The following POLR2E variants were observed in gnomAD, a reference collection of about 807,000 sequenced individuals.
POLR2E encodes the protein DNA-directed RNA polymerases I, II, and III subunit RPABC1.
POLR2E carries 35 observed loss-of-function variants against 29.8 expected under a neutral mutation model. The observed-to-expected ratio is 1.17, with a 90% CI of 0.90 to 1.55. The LOEUF is 1.55. Ranked by LOEUF, POLR2E falls within the 40% of genes most tolerant of loss-of-function variation. POLR2E has a pLI of 0.00. For synonymous variants in POLR2E, 174 were observed against 112.6 expected (o/e 1.55, Z -3.45); for missense variants, 287 against 288.6 (o/e 0.99, Z 0.04).
Position 1,089,738 on chromosome 19 carries a change from A to G in POLR2E, c.567+146T>C. ...CTCTGGGCCCAGTGGCCCTGGCTTT[A>G]AGAGGGGGATATTGGGGGTGTGGTC... On this transcript the variant is annotated intron_variant, in intron 6 of 7. Transcript: ENST00000615234. 7 of 798,770 alleles carry G rather than the reference A, an allele frequency of 8.8e-6. No homozygotes were observed. The South Asian group carries it at 9.8e-5, about 11-fold the overall frequency. 49.5% of individuals were successfully genotyped at this position (798,770 alleles called of 1,614,324 possible).
chr19:1,095,108 T>G, intron 1 of POLR2E, 151 bp downstream of exon 1: 1 of 728,846 alleles, frequency 1.4e-6, no homozygotes, highest in Non-Finnish European at 2.2e-6. Context: ...CAGCGCCTGG[T>G]ATCCCCGGCG....
intron 1 of POLR2E, chr19:1,094,371 C>CA (rs2043899224): frequency 2.5e-6 from 1 of 406,026 alleles, no homozygotes. Flanking sequence ...AACCACTTTG[C>CA]AGAGCTACCC....
At chr19:1,091,725 T>G (rs1599794017) in intron 3 of POLR2E, 67 bp downstream of exon 3, 2 of 982,610 alleles carry the variant, frequency 2.0e-6, no homozygotes, top group Non-Finnish European at 3.0e-6. Flanking sequence ...GGGCCGCCTG[T>G]GGGTACTGCT....
intron 3 of POLR2E, chr19:1,091,579 G>A (rs1459289067): frequency 1.7e-6 from 1 of 574,748 alleles, no homozygotes; most frequent in African/African-American, 1.9e-5. Context: ...CCCCTCCTGA[G>A]AGCTGGGGGA....
At position 1,088,541 on chromosome 19, in the gene POLR2E, G is replaced by A. The variant is rs1361200204; in HGVS notation, c.*194C>T. 1.4e-5 allele frequency: 2 copies of A among 148,020 alleles called. No individual in the cohort carries two copies. The highest frequency in any genetic ancestry group is 6.6e-5 in the Admixed American group (1 of 15,172). The allele number at this position is 148,020 out of a possible 1,614,324, so 9.2% of individuals were successfully genotyped here. A position where few individuals can be genotyped will look rare whatever the true frequency, so the allele number is the denominator to read the frequency against. On this transcript the variant is annotated 3_prime_UTR_variant, in exon 8 of 8. Coordinates refer to ENST00000615234, the MANE Select transcript of POLR2E (RefSeq NM_002695.5). ...CTGCATCTCGCACAAATCCACAGGT[G>A]AATGGGGCGGGCTGGGCCACAGGAA...
chr19:1,091,564 T>C (rs2043830783), intron 3 of POLR2E: 1 of 561,402 alleles, frequency 1.8e-6, no homozygotes, highest in Non-Finnish European at 3.2e-6. Flanking sequence ...CCCTCCGCCC[T>C]GACGCCCCTC....
At chr19:1,095,041 C>CCCTAAGA (rs2043911466) in intron 1 of POLR2E, 2 of 531,404 alleles carry the variant, frequency 3.8e-6, no homozygotes, top group South Asian at 4.7e-5. Context: ...CCCCTAAGCA[C>CCCTAAGA]CGCACCCAGA....
At chr19:1,091,497 T>C (rs1287135666) in intron 3 of POLR2E, 3 of 457,200 alleles carry the variant, frequency 6.6e-6, no homozygotes, top group Non-Finnish European at 1.2e-5. Flanking sequence ...CTCCGGCTCC[T>C]GGAATCTGCA....
chr19:1,091,665 C>T (rs2043833878), intron 3 of POLR2E, 127 bp downstream of exon 3: 1 of 669,960 alleles, frequency 1.5e-6, no homozygotes, highest in Non-Finnish European at 2.7e-6. Context: ...ACATCCCGGC[C>T]ACATCCTCCA....
At chr19:1,091,628 G>A in intron 3 of POLR2E, 164 bp downstream of exon 3, 1 of 609,630 alleles carries the variant, frequency 1.6e-6, no homozygotes, top group Middle Eastern at 4.4e-4. Flanking sequence ...TGGACGCGGT[G>A]GGAGGGAGGC....
At chr19:1,091,202 C>A (rs567161538) in intron 3 of POLR2E, among the ~76,000 whole-genome samples, 1 of 152,346 alleles carries the variant, frequency 6.6e-6, no homozygotes, top group East Asian at 1.9e-4. Flanking sequence ...GTGAAGTGGC[C>A]GTGGAAACTC....
intron 2 of POLR2E, chr19:1,093,703 A>C: frequency 1.5e-6 from 2 of 1,357,660 alleles, no homozygotes; most frequent in Non-Finnish European, 1.9e-6. Flanking sequence ...CTGAGAGGGA[A>C]ACTAGAAAGA....
At position 1,087,585 on chromosome 19, in the gene POLR2E, C is replaced by T. The variant is rs2043727942; in HGVS notation, c.*1150G>A. The stretch of plus-strand genomic sequence containing the variant: ...GTCCCGGGAACCCCCATCCTACTTC[C>T]AGTCTCTGACGACTCTAGTGACCTC... On this transcript the variant is annotated 3_prime_UTR_variant, in exon 8 of 8. Transcript: ENST00000615234. 6.6e-6 allele frequency: 1 copy of T among 152,246 alleles called. No individual in the cohort carries two copies. The highest frequency in any genetic ancestry group is 2.4e-5 in the African/African-American group (1 of 41,434). 9.4% of individuals were successfully genotyped at this position (152,246 alleles called of 1,614,324 possible).
At chr19:1,091,305 C>T (rs1467247901) in intron 3 of POLR2E, among the ~76,000 whole-genome samples, 1 of 152,242 alleles carries the variant, frequency 6.6e-6, no homozygotes, top group African/African-American at 2.4e-5. Flanking sequence ...CTCTGTGTGG[C>T]TGCGTGAACC....
rs2043736005 is a variant in POLR2E, at chr19:1,087,779, A to G, written c.*956T>C. ...GCACAGAACAGTGGGCGCGTTACAGACCACCGACCGCCCGAGGGTGAATTA... is the reference window on the plus strand; with the variant it reads ...GCACAGAACAGTGGGCGCGTTACAGGCCACCGACCGCCCGAGGGTGAATTA... On this transcript the variant is annotated 3_prime_UTR_variant, in exon 8 of 8. Transcript: ENST00000615234. 6.6e-6 allele frequency: 1 copy of G among 152,326 alleles called. No homozygotes were observed. Among genetic ancestry groups the G allele is most frequent in the African/African-American group, 2.4e-5 (1 of 41,440 alleles). The allele number at this position is 152,326 out of a possible 1,614,324, so 9.4% of individuals were successfully genotyped here.
intron 2 of POLR2E, 98 bp from the exon 3 acceptor site, chr19:1,092,005 C>A (rs926136129): frequency 6.1e-6 from 5 of 819,066 alleles, no homozygotes; most frequent in Admixed American, 1.8e-5. Context: ...CCATTCCACA[C>A]AGGTGTCTCT....
At chr19:1,093,460 G>C (rs1413358838) in intron 2 of POLR2E, among the ~76,000 whole-genome samples, 1 of 152,202 alleles carries the variant, frequency 6.6e-6, no homozygotes, top group Non-Finnish European at 1.5e-5. Flanking sequence ...GACGCTGACA[G>C]GGGAGAGGGG....
chr19:1,094,172 GAC>G, intron 1 of POLR2E, 94 bp from the exon 2 acceptor site: 1 of 1,203,506 alleles, frequency 8.3e-7, no homozygotes. Context: ...TGCTGCAGAG[GAC>G]AGAGGTGAAC....
Position 1,089,938 on chromosome 19 carries a change from G to A in POLR2E, c.513C>T (p.Pro171=), listed in dbSNP as rs749213222. The A allele has an allele frequency of 5.6e-6, 9 of 1,612,886 alleles. No homozygotes were observed. Among genetic ancestry groups the A allele is most frequent in the Admixed American group, 1.7e-5 (1 of 59,962 alleles). The change falls in exon 6 of 8, where the codon CCC becomes CCT. Residue 171 remains proline, a synonymous_variant. Coordinates refer to ENST00000615234, the MANE Select transcript of POLR2E (RefSeq NM_002695.5). ...ARYKLRENQL[P]RIQAGDPVAR... is the part of the protein sequence containing the mutation. ...CCACAGGGTCCCCCGCCTGGATCCTGGGCAGCTGGTTCTCTCGGAGCTTAC... is the reference window on the plus strand; with the variant it reads ...CCACAGGGTCCCCCGCCTGGATCCTAGGCAGCTGGTTCTCTCGGAGCTTAC...
Sources: gnomAD v4.1 joint callset for allele counts (sites outside exome capture counted in the v4.1 genomes callset) on GRCh38, gnomAD v4.1.1 for gene constraint, MANE v1.5 for transcripts, NCBI Gene and HGNC (gene_info 2026-07-23, HGNC 2026-07-21) for gene names.